The following ADCY9 variants were observed in gnomAD, a reference collection of about 807,000 sequenced individuals.
ADCY9 encodes adenylate cyclase type 9.
In ADCY9, 50 loss-of-function variants were observed where a neutral mutation model predicts 101.5. The observed-to-expected ratio is 0.49, with a 90% CI of 0.39 to 0.62. ADCY9 has a LOEUF of 0.62. ADCY9 is among the 20% of genes least tolerant of loss of function. The pLI, the probability that ADCY9 is intolerant of heterozygous loss-of-function variation, is 0.00. For missense variants in ADCY9, 1,662 were observed against 1,800.4 expected, an observed-to-expected ratio of 0.92 and a Z score of 1.39; for synonymous variants, 905 against 769.3, an observed-to-expected ratio of 1.18 and a Z score of -2.92.
chr16:4,038,421 C>G (rs548910722), intron 2 of ADCY9, among the ~76,000 whole-genome samples: 5 of 152,256 alleles, frequency 3.3e-5, no homozygotes, highest in African/African-American at 9.6e-5. Context: ...GGGAACGAGT[C>G]CGTAGCCTTT....
chr16:4,084,799 T>C (rs558471111), intron 2 of ADCY9, among the ~76,000 whole-genome samples: 65 of 152,040 alleles, frequency 4.3e-4, no homozygotes, highest in Non-Finnish European at 3.7e-4. Flanking sequence ...GTTATTAACA[T>C]AGCCAAACTG....
chr16:3,961,925 C>G (rs1372283287), downstream of ADCY9, among the ~76,000 whole-genome samples: 1 of 151,982 alleles, frequency 6.6e-6, no homozygotes, highest in Admixed American at 6.6e-5. Flanking sequence ...GCTAGGGAGG[C>G]TGAGGCACGA....
At chr16:4,068,348 AT>A (rs1432674126) in intron 2 of ADCY9, among the ~76,000 whole-genome samples, 8 of 152,202 alleles carry the variant, frequency 5.3e-5, no homozygotes, top group South Asian at 2.1e-4. Flanking sequence ...AGCAAAAAAA[AT>A]ATTAGTACAA....
chr16:3,966,990 G>C (rs372036045), intron 10 of ADCY9, 24 bp from the exon 11 acceptor site: 51 of 1,589,482 alleles, frequency 3.2e-5, no homozygotes, highest in Non-Finnish European at 3.1e-5. Context: ...ACACGGGAAA[G>C]GGAGAGGTTA....
At position 3,956,503 on chromosome 16, in the gene ADCY9, T is replaced by TTTTTTTTTTTTTTG. The variant is rs55792938; in HGVS notation, c.568-2988_568-2987insCAAAAAAAAAAAAA. Among the ~76,000 whole-genome samples the TTTTTTTTTTTTTTG allele has an allele frequency of 1.8e-3, 128 of 69,550 alleles. 8 individuals are homozygous for TTTTTTTTTTTTTTG. Among genetic ancestry groups the TTTTTTTTTTTTTTG allele is most frequent in the African/African-American group, 4.4e-3 (110 of 24,748 alleles). The allele number at this position is 69,550 out of a possible 152,430, so 45.6% of individuals were successfully genotyped here. A position where few individuals can be genotyped will look rare whatever the true frequency, so the allele number is the denominator to read the frequency against. On this transcript the variant is annotated intron_variant, in intron 5 of 5. Coordinates refer to the ADCY9 transcript ENST00000576936. ...GCGCAATGAGCTTTTTTTTTTTTTT[T>TTTTTTTTTTTTTTG]GGGGGGGGATGGAGTCTCCCTCTGT...
At chr16:3,967,247 C>T (rs2056007152) in intron 10 of ADCY9, among the ~76,000 whole-genome samples, 1 of 152,166 alleles carries the variant, frequency 6.6e-6, no homozygotes, top group Non-Finnish European at 1.5e-5. Flanking sequence ...GCCTTGGCCT[C>T]CCAAAGTGCT....
chr16:3,997,535 G>A (rs769121002), intron 3 of ADCY9, among the ~76,000 whole-genome samples: 4 of 152,252 alleles, frequency 2.6e-5, no homozygotes, highest in African/African-American at 9.6e-5. Flanking sequence ...TGGCAGAGCC[G>A]CCCACAAATG....
At chr16:3,969,555 T>A (rs2056028938) in intron 10 of ADCY9, among the ~76,000 whole-genome samples, 1 of 113,270 alleles carries the variant, frequency 8.8e-6, no homozygotes, top group Admixed American at 1.0e-4. Context: ...CACAATTTCT[T>A]AAAGTTTGTT....
intron 2 of ADCY9, among the ~76,000 whole-genome samples, chr16:4,073,135 C>T (rs1419144294): frequency 6.6e-6 from 1 of 152,058 alleles, no homozygotes; most frequent in Non-Finnish European, 1.5e-5. Context: ...CACTCTATTG[C>T]CCAGGCTGGA....
At chr16:4,034,467 T>C (rs2056576623) in intron 2 of ADCY9, among the ~76,000 whole-genome samples, 1 of 152,166 alleles carries the variant, frequency 6.6e-6, no homozygotes, top group Non-Finnish European at 1.5e-5. Flanking sequence ...TGGAGTGCAC[T>C]GGTACGATTT....
At chr16:4,106,391 T>C (rs958339626) in intron 2 of ADCY9, among the ~76,000 whole-genome samples, 1 of 152,278 alleles carries the variant, frequency 6.6e-6, no homozygotes, top group East Asian at 1.9e-4. Flanking sequence ...GCCCAGTCCC[T>C]TCCCTTCTGT....
chr16:4,091,040 G>C (rs2056970334), intron 2 of ADCY9, among the ~76,000 whole-genome samples: 1 of 151,126 alleles, frequency 6.6e-6, no homozygotes, highest in Non-Finnish European at 1.5e-5. Context: ...CTTTTTACAG[G>C]GTCTTCATAT....
intron 2 of ADCY9, among the ~76,000 whole-genome samples, chr16:4,063,091 G>C (rs569415127): frequency 2.6e-5 from 4 of 152,120 alleles, no homozygotes; most frequent in African/African-American, 9.6e-5. Context: ...ATGAATCATG[G>C]GCTAGGTCAT....
intron 2 of ADCY9, among the ~76,000 whole-genome samples, chr16:4,083,145 T>G (rs544085261): frequency 6.6e-6 from 1 of 152,370 alleles, no homozygotes; most frequent in South Asian, 2.1e-4. Context: ...CATGAGATAG[T>G]AAATGCGTTT....
At chr16:4,007,343 G>T (rs62036953) in intron 3 of ADCY9, 25 bp downstream of exon 3, 2 of 1,503,752 alleles carry the variant, frequency 1.3e-6, no homozygotes, top group Admixed American at 4.7e-5. Flanking sequence ...TTTAGAAGTA[G>T]GAAAAAAAAA....
At chr16:4,074,262 G>A (rs2056852581) in intron 2 of ADCY9, among the ~76,000 whole-genome samples, 1 of 151,830 alleles carries the variant, frequency 6.6e-6, no homozygotes, top group Non-Finnish European at 1.5e-5. Context: ...ATTCTTACGA[G>A]GTTCTTATAT....
rs750505834 is a variant in ADCY9 at position 3,977,503 on chromosome 16, T to C, written c.2807A>G (p.Tyr936Cys). 8 of 1,573,990 alleles carry C rather than the reference T, an allele frequency of 5.1e-6. No individual in the cohort carries two copies. The Admixed American group carries it at 9.3e-5, about 18-fold the overall frequency. The change falls in exon 9 of 11, where the codon TAC becomes TGC. Residue 936 changes from tyrosine (Y) to cysteine (C), a missense_variant. Physicochemically the swap from Tyr to Cys is radical, Grantham distance 194 (BLOSUM62 -2). Transcript: ENST00000294016. ...GTACCTGTCTGGGCACAGGGAGACG[T>C]AGAGCAGGAGCAGCGGCCCGGCCCC... ...VVGAGPLLLL[Y>C]VSLCPDSSVL...
chr16:3,983,730 G>A (rs2056166585), intron 6 of ADCY9: 3 of 446,384 alleles, frequency 6.7e-6, no homozygotes, highest in Admixed American at 7.2e-5. Context: ...GGAGTTCCCG[G>A]CCAGCGTAAC....
rs2056413118 is a variant in ADCY9 at position 4,012,864 on chromosome 16, C to A, written c.1694-5306G>T. Among the ~76,000 whole-genome samples, 3 of 152,136 alleles carry A rather than the reference C, an allele frequency of 2.0e-5. 1 individual carries two copies. The South Asian group carries it at 6.2e-4, about 32-fold the overall frequency. On this transcript the variant is annotated intron_variant, in intron 2 of 10. Transcript: ENST00000294016. ...AGTGATGGGCGAGGCCCATTTCTGG[C>A]CTCATTTGTCCCAGTCTCTTTCTGT... is the stretch of plus-strand genomic sequence containing the variant.
Sources: allele counts gnomAD v4.1 joint callset (sites outside exome capture counted in the v4.1 genomes callset), GRCh38; gene constraint gnomAD v4.1.1; transcripts MANE v1.5; gene names NCBI Gene and HGNC (gene_info 2026-07-23, HGNC 2026-07-21).